Variants in TBC1D5 observed in about 807,000 individuals in gnomAD.
TBC1D5 encodes the protein TBC1 domain family member 5, also known as TBC1 domain family, member 5.
In TBC1D5, 75 loss-of-function variants were observed where a neutral mutation model predicts 100.3. That is an observed-to-expected ratio of 0.75 (90% CI 0.62 to 0.91). The LOEUF is 0.91. TBC1D5 is among the 40% of genes least tolerant of loss of function. TBC1D5 has a pLI of 0.00. For missense variants in TBC1D5, 910 were observed against 942.4 expected (o/e 0.97, Z 0.45); for synonymous variants, 323 against 325.6 (o/e 0.99, Z 0.09).
chr3:17,599,583 C>T (rs1000147222), intron 2 of TBC1D5, among the ~76,000 whole-genome samples: 4 of 152,112 alleles, frequency 2.6e-5, no homozygotes, highest in African/African-American at 9.7e-5. Context: ...ACAAAGAAGG[C>T]AGTGTATAAA....
At chr3:17,291,958 A>G in exon 15 of TBC1D5, 1 of 1,613,976 alleles carries the variant, frequency 6.2e-7, no homozygotes, top group Non-Finnish European at 8.5e-7. Context: ...TGAATGGGTA[A>G]TGCATCAGAA....
At chr3:17,488,285 C>G (rs1298519752) in intron 3 of TBC1D5, among the ~76,000 whole-genome samples, 1 of 152,168 alleles carries the variant, frequency 6.6e-6, no homozygotes, top group Non-Finnish European at 1.5e-5. Context: ...TTTAAGGTTC[C>G]TCCATGTCTT....
chr3:17,534,412 T>C (rs557689436), intron 2 of TBC1D5, among the ~76,000 whole-genome samples: 2 of 152,262 alleles, frequency 1.3e-5, no homozygotes, highest in East Asian at 3.9e-4. Context: ...GATAAGGAAA[T>C]TTTAAATTAG....
At chr3:17,598,109 G>A (rs1190015105) in intron 2 of TBC1D5, among the ~76,000 whole-genome samples, 1 of 144,724 alleles carries the variant, frequency 6.9e-6, no homozygotes, top group Non-Finnish European at 1.5e-5. Flanking sequence ...CTATCTTAAA[G>A]ACCAGTCAAA....
intron 1 of TBC1D5, among the ~76,000 whole-genome samples, chr3:17,680,307 T>C (rs1050451309): frequency 6.6e-6 from 1 of 150,632 alleles, no homozygotes; most frequent in Non-Finnish European, 1.5e-5. Context: ...TCACGGCTCA[T>C]TGCAGCCTCA....
At chr3:17,187,684 C>A (rs2069309617) in intron 18 of TBC1D5, among the ~76,000 whole-genome samples, 1 of 152,178 alleles carries the variant, frequency 6.6e-6, no homozygotes, top group Non-Finnish European at 1.5e-5. Context: ...AAGTTCTATT[C>A]CTGGTCCTGC....
At chr3:17,225,653 G>A (rs2074808207) in intron 17 of TBC1D5, among the ~76,000 whole-genome samples, 1 of 151,830 alleles carries the variant, frequency 6.6e-6, no homozygotes, top group East Asian at 1.9e-4. Flanking sequence ...GAGTAGTGGT[G>A]CGTGCCTGTA....
Position 17,374,541 on chromosome 3 carries a change from C to T in TBC1D5, c.753-1G>A. ...TTCCATAAGTTGTGAGAACACTGCACTAAAAATAAAATAACACAATGCTAT... is the reference window on the plus strand; with the variant it reads ...TTCCATAAGTTGTGAGAACACTGCATTAAAAATAAAATAACACAATGCTAT... On this transcript the variant is annotated splice_acceptor_variant, in intron 11 of 21. Coordinates refer to ENST00000253692, the Ensembl canonical transcript of TBC1D5. LOFTEE classifies it high-confidence loss of function. The T allele has an allele frequency of 6.2e-7, 1 of 1,611,054 alleles. No homozygotes were observed. Among genetic ancestry groups the T allele is most frequent in the Non-Finnish European group, 8.5e-7 (1 of 1,178,730 alleles).
chr3:17,232,544 C>G (rs1477756157), intron 17 of TBC1D5, among the ~76,000 whole-genome samples: 1 of 152,122 alleles, frequency 6.6e-6, no homozygotes, highest in Non-Finnish European at 1.5e-5. Context: ...ATTTAACAGA[C>G]AGCAAGAGTG....
At chr3:17,633,381 A>G (rs1194099311) in intron 1 of TBC1D5, among the ~76,000 whole-genome samples, 1 of 151,928 alleles carries the variant, frequency 6.6e-6, no homozygotes, top group Non-Finnish European at 1.5e-5. Context: ...GGTTGCAGTA[A>G]GCCGAGATCA....
intron 3 of TBC1D5, among the ~76,000 whole-genome samples, chr3:17,492,776 G>A (rs1436984267): frequency 6.6e-6 from 1 of 152,170 alleles, no homozygotes; most frequent in Non-Finnish European, 1.5e-5. Context: ...GCGTCCCAGA[G>A]ATTCTGGTAC....
chr3:17,588,822 C>T (rs926614816), intron 2 of TBC1D5, among the ~76,000 whole-genome samples: 6 of 152,026 alleles, frequency 3.9e-5, no homozygotes, highest in African/African-American at 1.4e-4. Flanking sequence ...AAATAAAGGC[C>T]CAAATATAAA....
At position 17,628,579 on chromosome 3, in the gene TBC1D5, C is replaced by T. The variant is rs569760228; in HGVS notation, c.-100-4666G>A. On this transcript the variant is annotated intron_variant, in intron 1 of 21. Coordinates refer to ENST00000253692, the Ensembl canonical transcript of TBC1D5. Reference sequence around the variant, plus strand: ...AAATAAGGCTTTAGAAAAACGTTTTCCAGAGTGTAACTATCTGAAGAACCC... The same window carrying T: ...AAATAAGGCTTTAGAAAAACGTTTTTCAGAGTGTAACTATCTGAAGAACCC... Among the ~76,000 whole-genome samples the T allele has an allele frequency of 2.6e-5, 4 of 152,156 alleles. No individual in the cohort carries two copies. The South Asian group carries it at 8.3e-4, about 32-fold the overall frequency.
chr3:17,291,412 G>T (rs139947036), intron 15 of TBC1D5, among the ~76,000 whole-genome samples: 1,731 of 152,168 alleles, frequency 0.011, 34 homozygotes, highest in African/African-American at 0.039. Context: ...ACTCTTAACC[G>T]CCCAAATAAG....
chr3:17,319,787 G>A (rs998339321), intron 13 of TBC1D5, among the ~76,000 whole-genome samples: 46 of 152,110 alleles, frequency 3.0e-4, no homozygotes, highest in African/African-American at 1.1e-3. Context: ...GGAGAATGGT[G>A]TGAACCCGGG....
chr3:17,693,999 G>A (rs938461173), intron 1 of TBC1D5, among the ~76,000 whole-genome samples: 6 of 152,166 alleles, frequency 3.9e-5, no homozygotes, highest in Non-Finnish European at 5.9e-5. Context: ...TGCAGCTGAG[G>A]GACCTGACTG....
intron 2 of TBC1D5, among the ~76,000 whole-genome samples, chr3:17,534,962 A>G (rs1310767038): frequency 6.6e-6 from 1 of 152,154 alleles, no homozygotes; most frequent in Non-Finnish European, 1.5e-5. Context: ...TTTGAAGAAG[A>G]CTATTTCTAT....
chr3:17,571,723 A>G (rs2096628489), intron 2 of TBC1D5, among the ~76,000 whole-genome samples: 1 of 152,054 alleles, frequency 6.6e-6, no homozygotes, highest in Non-Finnish European at 1.5e-5. Context: ...TATTGGACCA[A>G]CAAGAATTCC....
intron 3 of TBC1D5, among the ~76,000 whole-genome samples, chr3:17,460,910 A>C (rs999018132): frequency 8.5e-5 from 13 of 152,188 alleles, no homozygotes; most frequent in African/African-American, 2.7e-4. Context: ...TGGAGTTATA[A>C]AAAGCTCAGA....
Sources: gnomAD v4.1 joint callset for allele counts (sites outside exome capture counted in the v4.1 genomes callset) on GRCh38, gnomAD v4.1.1 for gene constraint, MANE v1.5 for transcripts, NCBI Gene and HGNC (gene_info 2026-07-23, HGNC 2026-07-21) for gene names.